The following RBFOX1 variants were observed in gnomAD, a reference collection of about 807,000 sequenced individuals.
The protein encoded by RBFOX1 is RNA binding fox-1 homolog 1.
Under a neutral mutation model 57.7 loss-of-function variants are expected in RBFOX1, and 8 were observed. The observed-to-expected ratio is 0.14, with a 90% CI of 0.08 to 0.25. The LOEUF is 0.25. RBFOX1 is among the 10% of genes least tolerant of loss of function. The probability of loss-of-function intolerance (pLI) is 1.00; values close to 1 mark genes in which losing one functional copy is unlikely to be tolerated. For missense variants in RBFOX1, 611 were observed against 548.5 expected, an observed-to-expected ratio of 1.11 and a Z score of -1.14; for synonymous variants, 326 against 222.4, an observed-to-expected ratio of 1.47 and a Z score of -4.15.
rs1567303480 is a variant in RBFOX1, at chr16:6,450,819, A to ACATATATATATATG, written c.-64+133762_-64+133763insCATATATATATATG. Among the ~76,000 whole-genome samples, 12 of 8,698 alleles carry ACATATATATATATG rather than the reference A, an allele frequency of 1.4e-3. 2 individuals are homozygous for ACATATATATATATG. Among genetic ancestry groups the ACATATATATATATG allele is most frequent in the African/African-American group, 9.2e-3 (12 of 1,308 alleles). The allele number at this position is 8,698 out of a possible 152,430, so 5.7% of individuals were successfully genotyped here. ...TATATATGTATATATATATATATACATATATATATATATATATGTGTATAT... is the reference window on the plus strand; with the variant it reads ...TATATATGTATATATATATATATACACATATATATATATGTATATATATATATATATGTGTATAT... On this transcript the variant is annotated intron_variant, in intron 2 of 15. Coordinates refer to ENST00000550418, the MANE Select transcript of RBFOX1 (RefSeq NM_018723.4).
At chr16:5,718,435 T>G (rs1337008444) in intron 3 of RBFOX1, among the ~76,000 whole-genome samples, 1 of 152,250 alleles carries the variant, frequency 6.6e-6, no homozygotes, top group African/African-American at 2.4e-5. Context: ...TGGTTTGTTA[T>G]GCAGGTGTTA....
chr16:5,765,738 C>G (rs964851904), intron 3 of RBFOX1, among the ~76,000 whole-genome samples: 3 of 152,166 alleles, frequency 2.0e-5, no homozygotes, highest in Non-Finnish European at 4.4e-5. Flanking sequence ...AGTGAAGCAC[C>G]TCAGCCTGGG....
At chr16:6,292,207 C>T (rs2077540773) in intron 1 of RBFOX1, among the ~76,000 whole-genome samples, 1 of 152,020 alleles carries the variant, frequency 6.6e-6, no homozygotes. Flanking sequence ...CTGCAGTAAG[C>T]CATGATCACA....
At chr16:5,299,354 T>A (rs991448520) in intron 1 of RBFOX1, among the ~76,000 whole-genome samples, 3 of 152,206 alleles carry the variant, frequency 2.0e-5, no homozygotes, top group African/African-American at 4.8e-5. Context: ...TGGATAGACA[T>A]TTGTTTCCAG....
At chr16:6,859,423 C>G (rs533975307) in intron 3 of RBFOX1, among the ~76,000 whole-genome samples, 1 of 151,960 alleles carries the variant, frequency 6.6e-6, no homozygotes, top group South Asian at 2.1e-4. Flanking sequence ...ATTGATTTTA[C>G]TTGTCAGCTC....
At chr16:6,857,164 A>G (rs1008996744) in intron 3 of RBFOX1, among the ~76,000 whole-genome samples, 4 of 152,162 alleles carry the variant, frequency 2.6e-5, no homozygotes, top group Non-Finnish European at 5.9e-5. Flanking sequence ...TTGTGATTTT[A>G]AAAAGACTTT....
chr16:6,369,127 A>T (rs565473077), intron 2 of RBFOX1, among the ~76,000 whole-genome samples: 1 of 152,188 alleles, frequency 6.6e-6, no homozygotes, highest in African/African-American at 2.4e-5. Context: ...TTTGTCAGGG[A>T]TAACTAAGGG....
At chr16:5,432,559 G>GTTTTTTTTTTTTTTTTTGTTTTTT (rs35344614) in intron 1 of RBFOX1, among the ~76,000 whole-genome samples, 1 of 94,222 alleles carries the variant, frequency 1.1e-5, no homozygotes, top group African/African-American at 4.0e-5. Context: ...TTGTTTGTTT[G>GTTTTTTTTTTTTTTTTTGTTTTTT]TTTTTTTTTT....
rs143594422 is a variant in RBFOX1, at chr16:6,903,043, G to C, written c.-15-149014G>C. ...AATGAGATGACTGCTCCTGTGAAGT[G>C]AAACAAGGTTTTGTGAGCATCTGTT... On this transcript the variant is annotated intron_variant, in intron 3 of 15. Transcript: ENST00000550418. Among the ~76,000 whole-genome samples the C allele has an allele frequency of 7.9e-3, 1,206 of 152,260 alleles. 14 individuals are homozygous for C. Among genetic ancestry groups the C allele is most frequent in the Non-Finnish European group, 0.012 (819 of 68,024 alleles).
intron 4 of RBFOX1, among the ~76,000 whole-genome samples, chr16:7,292,582 G>A (rs1017121011): frequency 3.4e-5 from 5 of 149,164 alleles, no homozygotes; most frequent in African/African-American, 4.9e-5. Flanking sequence ...GGTTGTGCAC[G>A]GTGATGACGA....
chr16:6,954,625 A>T (rs1240020853), intron 3 of RBFOX1, among the ~76,000 whole-genome samples: 10 of 152,092 alleles, frequency 6.6e-5, no homozygotes, highest in Admixed American at 4.6e-4. Context: ...AACTGAGGCA[A>T]AAAGAGGCAT....
intron 1 of RBFOX1, among the ~76,000 whole-genome samples, chr16:6,035,289 C>T (rs752029710): frequency 4.6e-5 from 7 of 152,212 alleles, no homozygotes; most frequent in Non-Finnish European, 4.4e-5. Context: ...GATGTCAGGG[C>T]ATCTTCCATT....
chr16:6,611,087 A>T (rs751730687), intron 2 of RBFOX1, among the ~76,000 whole-genome samples: 52 of 152,278 alleles, frequency 3.4e-4, no homozygotes, highest in Middle Eastern at 6.8e-3. Flanking sequence ...AAAGCAGGAA[A>T]CCAACAGGAA....
rs143199191 is a variant in RBFOX1, at chr16:7,004,947, C to A, written c.-15-47110C>A. ...TCACTTGAGGTCAGGAGTTCGAGAC[C>A]AGCTTGGCCAACATGGTGAAACCCC... On this transcript the variant is annotated intron_variant, in intron 3 of 15. Coordinates refer to ENST00000550418, the MANE Select transcript of RBFOX1 (RefSeq NM_018723.4). Among the ~76,000 whole-genome samples the A allele has an allele frequency of 6.8e-3, 1,031 of 152,226 alleles. 12 individuals are homozygous for A. The highest frequency in any genetic ancestry group is 0.023 in the African/African-American group (972 of 41,526).
intron 4 of RBFOX1, among the ~76,000 whole-genome samples, chr16:7,098,541 T>C (rs2062085223): frequency 6.6e-6 from 1 of 152,240 alleles, no homozygotes; most frequent in Admixed American, 6.5e-5. Context: ...TTTATTGAAA[T>C]GTAACACACA....
rs1442223071 is a variant in RBFOX1, at chr16:5,827,896, TCCATCCATCCATCCATCCATCCAC to T, written c.319-39399_319-39376del. Among the ~76,000 whole-genome samples, 19 of 149,732 alleles carry T rather than the reference TCCATCCATCCATCCATCCATCCAC, an allele frequency of 1.3e-4. No homozygotes were observed. The South Asian group carries it at 4.0e-3, about 32-fold the overall frequency. Reference sequence around the variant, plus strand: ...GTCCATCCATCCATCCATCCATCCATCCATCCATCCATCCATCCATCCACCCATCCACCCACCCATCCACCCACC... The same window carrying T: ...GTCCATCCATCCATCCATCCATCCATCCATCCACCCACCCATCCACCCACC... On this transcript the variant is annotated intron_variant, in intron 3 of 19. Coordinates refer to the RBFOX1 transcript ENST00000641259.
intron 11 of RBFOX1, among the ~76,000 whole-genome samples, chr16:7,644,831 G>A (rs2063450946): frequency 6.6e-6 from 1 of 152,172 alleles, no homozygotes; most frequent in South Asian, 2.1e-4. Context: ...TGGGTGTCAG[G>A]AGATGTGAAA....
At chr16:7,338,786 C>G (rs61518234) in intron 4 of RBFOX1, among the ~76,000 whole-genome samples, 3 of 152,186 alleles carry the variant, frequency 2.0e-5, no homozygotes, top group Admixed American at 1.3e-4. Context: ...CTATAAAGAA[C>G]TTACAAGTAA....
At chr16:7,124,328 C>A (rs12930158) in intron 4 of RBFOX1, among the ~76,000 whole-genome samples, 2,616 of 152,148 alleles carry the variant, frequency 0.017, 29 homozygotes, top group Non-Finnish European at 0.027. Flanking sequence ...GTGGGAGGAT[C>A]CCTTGAGTTC....
Sources: gnomAD v4.1 joint callset for allele counts (sites outside exome capture counted in the v4.1 genomes callset) on GRCh38, gnomAD v4.1.1 for gene constraint, MANE v1.5 for transcripts, NCBI Gene and HGNC (gene_info 2026-07-23, HGNC 2026-07-21) for gene names.